Variants in BRINP3 observed in about 807,000 individuals in gnomAD.
BRINP3 encodes BMP/retinoic acid-inducible neural-specific protein 3.
BRINP3 carries 19 observed loss-of-function variants against 71.0 expected under a neutral mutation model. The ratio of observed to expected loss-of-function variants is 0.27; its 90% CI spans 0.19 to 0.39. The LOEUF is 0.39. BRINP3 is among the 10% of genes least tolerant of loss of function. The probability of loss-of-function intolerance (pLI) is 1.00; values close to 1 mark genes in which losing one functional copy is unlikely to be tolerated. For missense variants in BRINP3, 959 were observed against 940.8 expected, an observed-to-expected ratio of 1.02 and a Z score of -0.25; for synonymous variants, 380 against 337.7, an observed-to-expected ratio of 1.13 and a Z score of -1.37.
chr1:190,205,807 C>A (rs1655443729), intron 6 of BRINP3, among the ~76,000 whole-genome samples: 2 of 151,998 alleles, frequency 1.3e-5, no homozygotes, highest in Admixed American at 6.6e-5. Flanking sequence ...TGCTTCCTTA[C>A]CCTCTGTTTC....
chr1:190,283,096 C>G (rs1249531538), intron 2 of BRINP3, among the ~76,000 whole-genome samples: 1 of 151,906 alleles, frequency 6.6e-6, no homozygotes, highest in Non-Finnish European at 1.5e-5. Context: ...ACAAACAGCC[C>G]ATTTTTGTCA....
At chr1:190,174,754 A>G (rs1423779966) in intron 6 of BRINP3, among the ~76,000 whole-genome samples, 1 of 151,140 alleles carries the variant, frequency 6.6e-6, no homozygotes, top group Non-Finnish European at 1.5e-5. Context: ...CTAACATAAT[A>G]AAGAGAAAAT....
At chr1:190,140,856 A>C (rs1314521164) in intron 7 of BRINP3, among the ~76,000 whole-genome samples, 2 of 152,288 alleles carry the variant, frequency 1.3e-5, no homozygotes, top group African/African-American at 4.8e-5. Flanking sequence ...AAGTTTGCCA[A>C]ATTTCACAGG....
intron 2 of BRINP3, among the ~76,000 whole-genome samples, chr1:190,430,320 G>A (rs1395867583): frequency 6.6e-6 from 1 of 152,118 alleles, no homozygotes; most frequent in African/African-American, 2.4e-5. Context: ...ATGACATAGA[G>A]CTAATTGCTA....
At chr1:190,119,884 C>T (rs750497589) in intron 7 of BRINP3, among the ~76,000 whole-genome samples, 3 of 152,194 alleles carry the variant, frequency 2.0e-5, no homozygotes, top group Admixed American at 6.5e-5. Flanking sequence ...CTGCAGGCTA[C>T]TCCTCACAGG....
At chr1:190,388,108 G>T (rs958989415) in intron 2 of BRINP3, among the ~76,000 whole-genome samples, 1 of 151,732 alleles carries the variant, frequency 6.6e-6, no homozygotes. Context: ...GCGAGTAGAG[G>T]CTGAGTAAAC....
At chr1:190,234,286 G>A (rs1658304966) in intron 5 of BRINP3, 86 bp downstream of exon 5, 14 of 949,996 alleles carry the variant, frequency 1.5e-5, no homozygotes, top group Non-Finnish European at 1.9e-5. Context: ...TGTATATGCA[G>A]TTTACTTTAA....
chr1:190,470,099 C>A (rs1386266620), intron 1 of BRINP3, among the ~76,000 whole-genome samples: 2 of 150,968 alleles, frequency 1.3e-5, no homozygotes, highest in Non-Finnish European at 3.0e-5. Context: ...TTACTGAATT[C>A]TGGTCTTCCC....
chr1:190,330,790 A>G (rs946732462), intron 2 of BRINP3, among the ~76,000 whole-genome samples: 1 of 152,084 alleles, frequency 6.6e-6, no homozygotes, highest in African/African-American at 2.4e-5. Context: ...ATGGAATACT[A>G]TACCACCATA....
intron 2 of BRINP3, among the ~76,000 whole-genome samples, chr1:190,425,898 C>T (rs1339974908): frequency 2.0e-5 from 3 of 151,544 alleles, no homozygotes; most frequent in African/African-American, 4.8e-5. Flanking sequence ...AACAGGAAGC[C>T]AATAAATCTG....
At chr1:190,305,146 C>G (rs138970639) in intron 2 of BRINP3, among the ~76,000 whole-genome samples, 4 of 151,426 alleles carry the variant, frequency 2.6e-5, no homozygotes, top group Admixed American at 6.6e-5. Context: ...AAAAGGGAAC[C>G]CTTATATACT....
At chr1:190,312,227 T>C (rs1036415556) in intron 2 of BRINP3, among the ~76,000 whole-genome samples, 1 of 150,760 alleles carries the variant, frequency 6.6e-6, no homozygotes, top group Non-Finnish European at 1.5e-5. Flanking sequence ...CAAAGTTCAA[T>C]ATAAAAAACT....
intron 4 of BRINP3, among the ~76,000 whole-genome samples, chr1:190,245,511 C>T (rs887812117): frequency 1.3e-5 from 2 of 151,894 alleles, no homozygotes; most frequent in African/African-American, 4.8e-5. Flanking sequence ...GCCCACTCCC[C>T]CAGTTTTCTT....
intron 6 of BRINP3, among the ~76,000 whole-genome samples, chr1:190,223,794 T>C (rs1301325337): frequency 6.6e-6 from 1 of 151,778 alleles, no homozygotes; most frequent in African/African-American, 2.4e-5. Flanking sequence ...AAAACAATGT[T>C]AAAATTGATA....
At chr1:190,302,005 C>T (rs2103000363) in intron 2 of BRINP3, among the ~76,000 whole-genome samples, 1 of 151,498 alleles carries the variant, frequency 6.6e-6, no homozygotes, top group Admixed American at 6.6e-5. Flanking sequence ...ACTTTATTTT[C>T]TGAGTACTTT....
Position 190,401,818 on chromosome 1 carries a change from A to C in BRINP3, c.236+52837T>G, listed in dbSNP as rs1338301218. Among the ~76,000 whole-genome samples the C allele has an allele frequency of 2.0e-5, 3 of 152,168 alleles. No homozygotes were observed. In the East Asian group the frequency reaches 5.8e-4, roughly 29 times the overall value. ...TGTCCAATAATGTTATTTTTAAATA[A>C]ATTTTTACTCACTTATATTAATTAT... On this transcript the variant is annotated intron_variant, in intron 2 of 7. Coordinates refer to ENST00000367462, the MANE Select transcript of BRINP3 (RefSeq NM_199051.3).
chr1:190,198,760 G>GA (rs1654724894), intron 6 of BRINP3, among the ~76,000 whole-genome samples: 4 of 152,024 alleles, frequency 2.6e-5, no homozygotes, highest in Non-Finnish European at 4.4e-5. Context: ...CAACATTTTG[G>GA]TAAAAACAAA....
chr1:190,351,160 G>A (rs1668361425), intron 2 of BRINP3, among the ~76,000 whole-genome samples: 1 of 152,006 alleles, frequency 6.6e-6, no homozygotes. Context: ...AGTAGACAAA[G>A]AATGTCACTT....
intron 2 of BRINP3, among the ~76,000 whole-genome samples, chr1:190,436,122 A>G (rs1277168649): frequency 6.6e-6 from 1 of 151,914 alleles, no homozygotes; most frequent in Non-Finnish European, 1.5e-5. Flanking sequence ...TGAGTTAAAT[A>G]AAATTTTTGC....
Sources: allele counts gnomAD v4.1 joint callset (sites outside exome capture counted in the v4.1 genomes callset), GRCh38; gene constraint gnomAD v4.1.1; transcripts MANE v1.5; gene names NCBI Gene and HGNC (gene_info 2026-07-23, HGNC 2026-07-21).